DIAPH2: variants seen among roughly 807,000 people sequenced by gnomAD.
The protein encoded by DIAPH2 is diaphanous related formin 2.
Under a neutral mutation model 92.7 loss-of-function variants are expected in DIAPH2, and 35 were observed. That is an observed-to-expected ratio of 0.38 (90% CI 0.29 to 0.50). The LOEUF is 0.50. DIAPH2 is among the 20% of genes least tolerant of loss of function. The pLI, the probability that DIAPH2 is intolerant of heterozygous loss-of-function variation, is 0.94. For missense variants in DIAPH2, 701 were observed against 819.5 expected (o/e 0.86, Z 1.77); for synonymous variants, 301 against 280.4 (o/e 1.07, Z -0.73).
At chrX:97,185,152 G>A (rs1410324578) in intron 22 of DIAPH2, among the ~76,000 whole-genome samples, 2 of 97,134 alleles carry the variant, frequency 2.1e-5, no homozygotes, top group Non-Finnish European at 4.1e-5. Context: ...AAGAAAAAAT[G>A]ACCCAGGATT....
At chrX:96,916,414 A>C in intron 7 of DIAPH2, 24 bp from the exon 8 acceptor site, 1 of 940,092 alleles carries the variant, frequency 1.1e-6, no homozygotes, top group Non-Finnish European at 1.4e-6. Context: ...ATTCTGAATG[A>C]AGGTTTTTTT....
chrX:96,851,589 A>G (rs1297575465), intron 4 of DIAPH2, among the ~76,000 whole-genome samples: 2 of 112,267 alleles, frequency 1.8e-5, no homozygotes, highest in African/African-American at 6.5e-5. Flanking sequence ...TGTAAGTGCT[A>G]TGTGATTAGC....
At chrX:96,881,750 A>G in intron 5 of DIAPH2, 32 bp downstream of exon 5, 1 of 1,188,028 alleles carries the variant, frequency 8.4e-7, no homozygotes, top group Non-Finnish European at 1.1e-6. Flanking sequence ...GGTATGATTC[A>G]TACAATTTGT....
At chrX:96,738,371 A>G (rs2064099989) in intron 2 of DIAPH2, among the ~76,000 whole-genome samples, 1 of 111,372 alleles carries the variant, frequency 9.0e-6, no homozygotes. Context: ...CTTTTGAAGA[A>G]TACTTTTCAC....
At chrX:96,958,295 G>A (rs1455725322) in intron 16 of DIAPH2, 147 bp downstream of exon 16, 2 of 677,028 alleles carry the variant, frequency 3.0e-6, no homozygotes, top group Non-Finnish European at 4.0e-6. Flanking sequence ...TTTCAATTTA[G>A]GTTGTAGATA....
intron 4 of DIAPH2, among the ~76,000 whole-genome samples, chrX:96,842,128 C>A (rs985720232): frequency 8.9e-6 from 1 of 111,852 alleles, no homozygotes; most frequent in Non-Finnish European, 1.9e-5. Flanking sequence ...CTGACACTTT[C>A]CTGCCTCTGT....
At chrX:97,107,547 A>C (rs2066950342) in intron 20 of DIAPH2, among the ~76,000 whole-genome samples, 1 of 111,922 alleles carries the variant, frequency 8.9e-6, no homozygotes, top group Admixed American at 9.5e-5. Flanking sequence ...ATAAGGTGTC[A>C]TAAATGCCCC....
In DIAPH2 at chrX:97,603,795, A is replaced by T. The variant is rs1366286178; in HGVS notation, c.*4478A>T. On this transcript the variant is annotated 3_prime_UTR_variant, in exon 27 of 27. Transcript: ENST00000324765. ...TAAAATCTTCATTTCCTTCTAAACC[A>T]TCACTAGAAATGCCTTTAACATTCA... 1 of 112,017 alleles carries T rather than the reference A, an allele frequency of 8.9e-6. No individual in the cohort carries two copies. Among genetic ancestry groups the T allele is most frequent in the Non-Finnish European group, 1.9e-5 (1 of 53,211 alleles). 9.2% of individuals were successfully genotyped at this position (112,017 alleles called of 1,213,427 possible).
intron 17 of DIAPH2, among the ~76,000 whole-genome samples, chrX:97,031,158 A>T (rs1602731355): frequency 9.0e-6 from 1 of 110,672 alleles, no homozygotes. Context: ...AGCTGAAGTC[A>T]TACTACTTAG....
intron 23 of DIAPH2, among the ~76,000 whole-genome samples, chrX:97,308,833 G>C (rs2068769594): frequency 9.5e-6 from 1 of 105,245 alleles, no homozygotes; most frequent in Non-Finnish European, 2.0e-5. Flanking sequence ...ATGTTAGCCA[G>C]GATGGATGAA....
intron 4 of DIAPH2, among the ~76,000 whole-genome samples, chrX:96,810,191 C>T (rs1449543132): frequency 8.9e-6 from 1 of 112,015 alleles, no homozygotes; most frequent in Non-Finnish European, 1.9e-5. Context: ...TGTTTCCTGA[C>T]TTTTTAATGA....
At chrX:97,552,470 G>A (rs1056469061) in intron 26 of DIAPH2, among the ~76,000 whole-genome samples, 2 of 110,959 alleles carry the variant, frequency 1.8e-5, no homozygotes, top group Non-Finnish European at 3.8e-5. Context: ...TGAGGAATAG[G>A]TTTTTATGCT....
chrX:96,955,926 G>A (rs978015859), intron 15 of DIAPH2, among the ~76,000 whole-genome samples: 2 of 112,442 alleles, frequency 1.8e-5, no homozygotes, highest in South Asian at 3.7e-4. Flanking sequence ...CAGTAGATCT[G>A]TCATTCTGGG....
chrX:96,819,269 A>ACTGAT (rs1252587562), intron 4 of DIAPH2, among the ~76,000 whole-genome samples: 1 of 112,599 alleles, frequency 8.9e-6, no homozygotes, highest in African/African-American at 3.2e-5. Flanking sequence ...TTGAAAAGTA[A>ACTGAT]CTGATTATAT....
chrX:97,373,909 G>C (rs1045032632), intron 24 of DIAPH2, among the ~76,000 whole-genome samples: 1 of 110,803 alleles, frequency 9.0e-6, no homozygotes, highest in Non-Finnish European at 1.9e-5. Flanking sequence ...GCCTGAGGGA[G>C]GTACTTAAGA....
chrX:97,227,942 C>A (rs750620196), intron 22 of DIAPH2, among the ~76,000 whole-genome samples: 1 of 110,915 alleles, frequency 9.0e-6, no homozygotes, highest in East Asian at 2.8e-4. Flanking sequence ...GCTCTGTCAC[C>A]CAGGTTGGAG....
At chrX:97,336,495 C>T (rs1482046962) in intron 23 of DIAPH2, among the ~76,000 whole-genome samples, 3 of 109,641 alleles carry the variant, frequency 2.7e-5, no homozygotes, top group East Asian at 2.9e-4. Flanking sequence ...GTGATCCGCC[C>T]GCCTCGGCCT....
intron 22 of DIAPH2, among the ~76,000 whole-genome samples, chrX:97,246,070 T>C (rs1446480567): frequency 9.4e-6 from 1 of 106,016 alleles, no homozygotes; most frequent in Non-Finnish European, 1.9e-5. Flanking sequence ...GCCTGGCTAA[T>C]TTTTGTATTT....
rs753936120 is a variant in DIAPH2 at position 96,887,997 on chromosome X, A to T, written c.587+6279A>T. ...TGTGTGTGTGTATGTGTGTGTGTGTATGTGTATGTATGATCCCTGTGATGC... is the reference window on the plus strand; with the variant it reads ...TGTGTGTGTGTATGTGTGTGTGTGTTTGTGTATGTATGATCCCTGTGATGC... On this transcript the variant is annotated intron_variant, in intron 5 of 26. Transcript: ENST00000324765. Among the ~76,000 whole-genome samples the T allele has an allele frequency of 4.6e-5, 5 of 108,160 alleles. No individual in the cohort carries two copies. In the East Asian group the frequency reaches 1.4e-3, roughly 31 times the overall value. The allele number at this position is 108,160 out of a possible 115,157, so 93.9% of individuals were successfully genotyped here. A position where few individuals can be genotyped will look rare whatever the true frequency, so the allele number is the denominator to read the frequency against.
Sources: allele counts gnomAD v4.1 joint callset (sites outside exome capture counted in the v4.1 genomes callset), GRCh38; gene constraint gnomAD v4.1.1; transcripts MANE v1.5; gene names NCBI Gene and HGNC (gene_info 2026-07-23, HGNC 2026-07-21).